Variants in C7 observed in about 807,000 individuals in gnomAD.
C7 encodes complement component C7.
A neutral mutation model predicts 104.8 loss-of-function variants in C7; 83 were observed. That is an observed-to-expected ratio of 0.79 (90% CI 0.66 to 0.95). C7 has a LOEUF of 0.95. Among genes scored for constraint, C7 ranks in the 40% least tolerant of loss-of-function variants. C7 has a pLI of 0.00. For synonymous variants in C7, 415 were observed against 360.6 expected, an observed-to-expected ratio of 1.15 and a Z score of -1.71; for missense variants, 1,070 against 1,011.2, an observed-to-expected ratio of 1.06 and a Z score of -0.79.
At chr5:40,910,390 G>C (rs1362108911) in intron 1 of C7, among the ~76,000 whole-genome samples, 1 of 152,062 alleles carries the variant, frequency 6.6e-6, no homozygotes, top group Non-Finnish European at 1.5e-5. Context: ...TAATTTCACA[G>C]ATCTGTCAGT....
intron 2 of C7, 57 bp from the exon 3 acceptor site, chr5:40,931,007 T>A: frequency 8.5e-7 from 1 of 1,170,482 alleles, no homozygotes; most frequent in Non-Finnish European, 1.3e-6. Flanking sequence ...CTATTCTTTG[T>A]GTTCCCTTGC....
At chr5:40,968,600 ATTTTTTTTTTTTTTTTTTT>A (rs70988826) in intron 14 of C7, among the ~76,000 whole-genome samples, 1 of 25,480 alleles carries the variant, frequency 3.9e-5, no homozygotes, top group Non-Finnish European at 7.1e-5. Context: ...ATATATATAT[ATTTTTTTTTTTTTTTTTTT>A]TTTTTTTTTT....
At chr5:40,909,687 A>T (rs1448412693) in intron 1 of C7, 71 bp downstream of exon 1, 3 of 1,182,872 alleles carry the variant, frequency 2.5e-6, no homozygotes, top group Non-Finnish European at 3.6e-6. Flanking sequence ...ATATAAATGT[A>T]ATTTAAACGA....
At chr5:40,914,585 TTA>T (rs1739281141) in intron 1 of C7, among the ~76,000 whole-genome samples, 1 of 152,216 alleles carries the variant, frequency 6.6e-6, no homozygotes, top group Admixed American at 6.5e-5. Flanking sequence ...TCTAGTGTTT[TTA>T]TAGTTTCAGG....
At chr5:40,911,226 T>G (rs1451130269) in intron 1 of C7, 2 of 152,098 alleles carry the variant, frequency 1.3e-5, no homozygotes, top group Admixed American at 6.6e-5. Flanking sequence ...CATGCTTTGG[T>G]GATATGTGAC....
rs1198401553 is a variant in C7, at chr5:40,977,918, G to A, written c.2165+1078G>A. 3.9e-5 allele frequency among the ~76,000 whole-genome samples: 6 copies of A among 152,078 alleles called. No individual in the cohort carries two copies. In the South Asian group the frequency reaches 1.2e-3, roughly 31 times the overall value. The stretch of plus-strand genomic sequence containing the variant: ...GGAGGCCAAGGTGGGCCAATTGCTC[G>A]AGCTCAGGAGTTCAAGACCAGCCTG... On this transcript the variant is annotated intron_variant, in intron 16 of 17. Coordinates refer to ENST00000313164, the MANE Select transcript of C7 (RefSeq NM_000587.4).
At chr5:40,979,627 T>A (rs2111731210) in intron 16 of C7, 98 bp from the exon 17 acceptor site, 2 of 867,394 alleles carry the variant, frequency 2.3e-6, no homozygotes, top group African/African-American at 1.7e-5. Context: ...GGTGATAACA[T>A]CTGGGGGCAC....
intron 1 of C7, among the ~76,000 whole-genome samples, chr5:40,919,684 A>C (rs1396470360): frequency 6.6e-6 from 1 of 152,184 alleles, no homozygotes. Flanking sequence ...AAAAATCCAC[A>C]AATATATGGA....
At position 40,917,128 on chromosome 5, in the gene C7, C is replaced by A. The variant is rs149353709; in HGVS notation, c.6+7512C>A. On this transcript the variant is annotated intron_variant, in intron 1 of 17. Coordinates refer to ENST00000313164, the MANE Select transcript of C7 (RefSeq NM_000587.4). ...CCAGCCTGAGTGACAGAGCGAGACT[C>A]CATCTCAAAAAAAAAAAAAAGAAAA... Among the ~76,000 whole-genome samples, 1,256 of 143,034 alleles carry A rather than the reference C, an allele frequency of 8.8e-3. 16 individuals are homozygous for A. Among genetic ancestry groups the A allele is most frequent in the African/African-American group, 0.028 (1,123 of 39,552 alleles). 93.8% of individuals were successfully genotyped at this position (143,034 alleles called of 152,430 possible).
intron 17 of C7, among the ~76,000 whole-genome samples, chr5:40,980,753 C>T (rs554588607): frequency 3.0e-4 from 45 of 152,270 alleles, no homozygotes; most frequent in African/African-American, 1.0e-3. Context: ...GGCACCTGTC[C>T]CCTCACTCCC....
chr5:40,924,446 A>T (rs1381186750), intron 1 of C7, among the ~76,000 whole-genome samples: 3 of 152,162 alleles, frequency 2.0e-5, no homozygotes, highest in Non-Finnish European at 4.4e-5. Flanking sequence ...TCCAAGCTCA[A>T]TATGCAAGCT....
At chr5:40,938,461 C>A (rs1739862110) in intron 6 of C7, among the ~76,000 whole-genome samples, 1 of 152,040 alleles carries the variant, frequency 6.6e-6, no homozygotes, top group African/African-American at 2.4e-5. Context: ...CCAATTTTTT[C>A]TTATGAAAAT....
intron 9 of C7, among the ~76,000 whole-genome samples, chr5:40,950,702 T>C (rs926464096): frequency 1.3e-5 from 2 of 152,208 alleles, no homozygotes; most frequent in African/African-American, 4.8e-5. Context: ...ATAAATATGT[T>C]ATCAGTGTGC....
At chr5:40,926,591 TA>T (rs35158709) in intron 1 of C7, among the ~76,000 whole-genome samples, 1 of 152,040 alleles carries the variant, frequency 6.6e-6, no homozygotes, top group African/African-American at 2.4e-5. Context: ...AAATAAACAC[TA>T]AAAAGTACAT....
chr5:40,972,319 G>C (rs1005866441), intron 14 of C7, 84 bp from the exon 15 acceptor site: 1 of 1,081,874 alleles, frequency 9.2e-7, no homozygotes, highest in East Asian at 2.5e-5. Flanking sequence ...AGCAGAACAA[G>C]TGTGTCTGCA....
chr5:40,932,370 C>T (rs913428704), intron 3 of C7, among the ~76,000 whole-genome samples: 3 of 152,014 alleles, frequency 2.0e-5, no homozygotes, highest in Non-Finnish European at 2.9e-5. Context: ...GTCCTCTTTT[C>T]CCATAATTTT....
At chr5:40,919,618 C>T (rs1373381695) in intron 1 of C7, among the ~76,000 whole-genome samples, 2 of 151,756 alleles carry the variant, frequency 1.3e-5, no homozygotes, top group Non-Finnish European at 2.9e-5. Context: ...AGAAAAAGAC[C>T]CTGTCTCTAA....
chr5:40,965,340 G>A (rs1019156622), intron 14 of C7, among the ~76,000 whole-genome samples: 3 of 152,142 alleles, frequency 2.0e-5, no homozygotes, highest in African/African-American at 7.2e-5. Flanking sequence ...AGGCCGAGCT[G>A]CAGTGATACA....
At position 40,949,311 on chromosome 5, in the gene C7, A is replaced by G. The variant is rs536748873; in HGVS notation, c.983-593A>G. The stretch of plus-strand genomic sequence containing the variant: ...ATATAGTTAGTAAATGAGAAAATAT[A>G]TTTGCACATTTTAGTATTTTTCTAT... On this transcript the variant is annotated intron_variant, in intron 8 of 17. Coordinates refer to ENST00000313164, the MANE Select transcript of C7 (RefSeq NM_000587.4). Among the ~76,000 whole-genome samples, 49 of 151,322 alleles carry G rather than the reference A, an allele frequency of 3.2e-4. 1 individual carries two copies. Among genetic ancestry groups the G allele is most frequent in the Non-Finnish European group, 4.1e-4 (28 of 67,858 alleles).
Sources: gnomAD v4.1 joint callset for allele counts (sites outside exome capture counted in the v4.1 genomes callset) on GRCh38, gnomAD v4.1.1 for gene constraint, MANE v1.5 for transcripts, NCBI Gene and HGNC (gene_info 2026-07-23, HGNC 2026-07-21) for gene names.